NPC1: variants seen among roughly 807,000 people sequenced by gnomAD.
NPC1 encodes Niemann-Pick C1 protein.
Under a neutral mutation model 140.4 loss-of-function variants are expected in NPC1, and 85 were observed. That is an observed-to-expected ratio of 0.61 (90% CI 0.51 to 0.72). The LOEUF is 0.72. NPC1 is among the 30% of genes least tolerant of loss of function. The probability of loss-of-function intolerance (pLI) is 0.00; values close to 1 mark genes in which losing one functional copy is unlikely to be tolerated. For synonymous variants in NPC1, 656 were observed against 624.8 expected (o/e 1.05, Z -0.74); for missense variants, 1,504 against 1,623.8 (o/e 0.93, Z 1.27).
intron 10 of NPC1, among the ~76,000 whole-genome samples, chr18:23,549,221 G>A (rs2058832602): frequency 6.6e-6 from 1 of 151,940 alleles, no homozygotes; most frequent in Non-Finnish European, 1.5e-5. Flanking sequence ...TTTAGAGACA[G>A]GATCTCACTC....
At chr18:23,530,906 C>A (rs900026896), downstream of NPC1, among the ~76,000 whole-genome samples, 2 of 152,148 alleles carry the variant, frequency 1.3e-5, no homozygotes, top group African/African-American at 4.8e-5. Context: ...CTCTTAAAGC[C>A]AGGAATAAGA....
chr18:23,536,041 T>C (rs193274154), intron 21 of NPC1, among the ~76,000 whole-genome samples: 1 of 152,202 alleles, frequency 6.6e-6, no homozygotes, highest in Non-Finnish European at 1.5e-5. Flanking sequence ...CCTGAGACAC[T>C]ACCTCAGGCT....
At chr18:23,573,113 G>A (rs1322207740) in intron 2 of NPC1, among the ~76,000 whole-genome samples, 1 of 152,186 alleles carries the variant, frequency 6.6e-6, no homozygotes, top group African/African-American at 2.4e-5. Flanking sequence ...GTCCATTTGA[G>A]TCCTGAAATC....
At chr18:23,540,117 G>T in intron 17 of NPC1, 116 bp from the exon 18 acceptor site, 1 of 870,834 alleles carries the variant, frequency 1.1e-6, no homozygotes, top group Non-Finnish European at 1.9e-6. Flanking sequence ...GATGCCTCCA[G>T]CTGGACTCAT....
At chr18:23,545,283 C>T in intron 11 of NPC1, 134 bp from the exon 12 acceptor site, 1 of 698,098 alleles carries the variant, frequency 1.4e-6, no homozygotes, top group East Asian at 2.7e-5. Flanking sequence ...CGCTCTGTCG[C>T]CCAGGCTGAA....
Position 23,532,158 on chromosome 18 carries a change from A to G in NPC1, c.*44T>C, listed in dbSNP as rs1449931243. 1.2e-6 allele frequency: 2 copies of G among 1,614,006 alleles called. No homozygotes were observed. The highest frequency in any genetic ancestry group is 1.7e-6 in the Non-Finnish European group (2 of 1,180,020). On this transcript the variant is annotated 3_prime_UTR_variant, in exon 25 of 25. Coordinates refer to ENST00000269228, the MANE Select transcript of NPC1 (RefSeq NM_000271.5). ...GCAGCACCCGTCCAGTGGTAAACCG[A>G]CCGACCCTTAGACACAGTTCAGTCA... is the stretch of plus-strand genomic sequence containing the variant.
rs374742557 is a variant in NPC1 at position 23,541,514 on chromosome 18, C to CA, written c.2246-82dup. 2,011 of 1,589,508 alleles carry CA rather than the reference C, an allele frequency of 1.3e-3. 4 individuals are homozygous for CA. The highest frequency in any genetic ancestry group is 1.4e-3 in the Non-Finnish European group (1,641 of 1,162,236). The stretch of plus-strand genomic sequence containing the variant: ...CAGGTCTTATGTTCATGTGCATGTA[C>CA]AGATACAAGGAGCCAGCACAGGCCA... On this transcript the variant is annotated intron_variant, in intron 14 of 24. Transcript: ENST00000269228.
intron 9 of NPC1, among the ~76,000 whole-genome samples, chr18:23,553,156 TG>T (rs2058898658): frequency 6.6e-6 from 1 of 152,244 alleles, no homozygotes; most frequent in East Asian, 1.9e-4. Context: ...GCTTCCACAC[TG>T]GTGGGAACCA....
chr18:23,555,910 A>G (rs572528236), intron 8 of NPC1, among the ~76,000 whole-genome samples: 1 of 152,306 alleles, frequency 6.6e-6, no homozygotes, highest in Non-Finnish European at 1.5e-5. Flanking sequence ...CATTTCACAA[A>G]TTCCTAAGGT....
At chr18:23,555,263 T>TCC (rs1029753271) in intron 8 of NPC1, among the ~76,000 whole-genome samples, 1 of 152,090 alleles carries the variant, frequency 6.6e-6, no homozygotes, top group Non-Finnish European at 1.5e-5. Flanking sequence ...CACAACCATC[T>TCC]CCCCTCCACC....
intron 4 of NPC1, among the ~76,000 whole-genome samples, chr18:23,566,339 G>C (rs928175358): frequency 1.3e-5 from 2 of 152,172 alleles, no homozygotes; most frequent in Non-Finnish European, 2.9e-5. Flanking sequence ...AGCCATGATT[G>C]CATCACTGTA....
At position 23,534,429 on chromosome 18, in the gene NPC1, C is replaced by G; in HGVS notation, c.3591+17G>C. 2 of 1,581,302 alleles carry G rather than the reference C, an allele frequency of 1.3e-6. No homozygotes were observed. Among genetic ancestry groups the G allele is most frequent in the East Asian group, 2.2e-5 (1 of 44,744 alleles). On this transcript the variant is annotated intron_variant, in intron 23 of 24. Transcript: ENST00000269228. ...GTGGTGCGACTCTGCCGGCGTGGCC[C>G]TGCTCAGGGTACTCACGGAGCTGCC...
At chr18:23,529,645 A>G (rs773145224), downstream of NPC1, 2 of 1,614,038 alleles carry the variant, frequency 1.2e-6, no homozygotes, top group East Asian at 2.2e-5. Context: ...GAGATGCCTC[A>G]TAAATTTGTG....
chr18:23,573,457 C>T lies in NPC1; in HGVS notation c.175G>A (p.Val59Met), dbSNP rs1365313736. 3 of 1,614,142 alleles carry T rather than the reference C, an allele frequency of 1.9e-6. No individual in the cohort carries two copies. Among genetic ancestry groups the T allele is most frequent in the African/African-American group, 2.7e-5 (2 of 75,040 alleles). Residue 59 changes from valine to methionine, a missense_variant, in exon 2 of 25, where the codon GTG becomes ATG. Physicochemically the swap from Val to Met is conservative, Grantham distance 21. Coordinates refer to ENST00000269228, the MANE Select transcript of NPC1 (RefSeq NM_000271.5). Reference protein sequence around the residue: ...KPLPKDGYDLVQELCPGFFFG... With the variant: ...KPLPKDGYDLMQELCPGFFFG... ...GCCTAAGATAATGAACTTACCTGCA[C>T]TAAGTCATATCCATCCTTTGGCAAT... is the stretch of plus-strand genomic sequence containing the variant.
downstream of NPC1, among the ~76,000 whole-genome samples, chr18:23,517,816 C>T (rs770881983): frequency 2.6e-5 from 4 of 152,088 alleles, no homozygotes; most frequent in Non-Finnish European, 5.9e-5. Context: ...CTTCTAGGTT[C>T]AAGTGATTTT....
At chr18:23,569,463 C>T (rs1212943698) in intron 3 of NPC1, among the ~76,000 whole-genome samples, 1 of 152,150 alleles carries the variant, frequency 6.6e-6, no homozygotes, top group Non-Finnish European at 1.5e-5. Context: ...GCTAGGACTA[C>T]AGGTGCACAC....
At chr18:23,580,069 C>T (rs1172621016) in intron 1 of NPC1, among the ~76,000 whole-genome samples, 1 of 152,132 alleles carries the variant, frequency 6.6e-6, no homozygotes, top group East Asian at 1.9e-4. Context: ...ACTTACTGAA[C>T]ATCTATTGTT....
At chr18:23,566,206 A>G (rs2145509537) in intron 4 of NPC1, among the ~76,000 whole-genome samples, 1 of 151,994 alleles carries the variant, frequency 6.6e-6, no homozygotes, top group African/African-American at 2.4e-5. Flanking sequence ...GCCTGGGCAA[A>G]AAAGCAAGAC....
Position 23,533,354 on chromosome 18 carries a change from CCTA to C in NPC1, c.3752_3754del (p.Ile1251_Gly1252delinsArg). 6.2e-7 allele frequency: 1 copy of C among 1,613,780 alleles called. No individual in the cohort carries two copies. Among genetic ancestry groups the C allele is most frequent in the Non-Finnish European group, 8.5e-7 (1 of 1,179,670 alleles). ...CACCCTTTTAAGATGAGAACTCTTA[CCTA>C]TGTAACTGAGTAAGACAGGGAGAAA... On this transcript the variant is annotated inframe_deletion and splice_region_variant, in exon 24 of 25. Coordinates refer to ENST00000269228, the MANE Select transcript of NPC1 (RefSeq NM_000271.5).
Sources: gnomAD v4.1 joint callset for allele counts (sites outside exome capture counted in the v4.1 genomes callset) on GRCh38, gnomAD v4.1.1 for gene constraint, MANE v1.5 for transcripts, NCBI Gene and HGNC (gene_info 2026-07-23, HGNC 2026-07-21) for gene names.